The following FBXL16 variants were observed in gnomAD, a reference collection of about 807,000 sequenced individuals.
FBXL16 encodes the protein F-box and leucine rich repeat protein 16.
Under a neutral mutation model 36.7 loss-of-function variants are expected in FBXL16, and 7 were observed. That is an observed-to-expected ratio of 0.19 (90% confidence interval 0.11 to 0.36). The LOEUF is 0.36. Ranked by LOEUF, FBXL16 falls within the 10% of genes least tolerant of loss-of-function variation. FBXL16 has a pLI of 1.00. For synonymous variants in FBXL16, 355 were observed against 308.7 expected (o/e 1.15, Z -1.57); for missense variants, 463 against 659.4 (o/e 0.70, Z 3.26).
chr16:699,335 G>T (rs2040039360), intron 1 of FBXL16, among the ~76,000 whole-genome samples: 1 of 152,360 alleles, frequency 6.6e-6, no homozygotes, highest in African/African-American at 2.4e-5. Flanking sequence ...CACAGCCACG[G>T]AAAGAAGCAG....
chr16:701,457 C>A (rs1202417937), intron 1 of FBXL16, among the ~76,000 whole-genome samples: 1 of 152,238 alleles, frequency 6.6e-6, no homozygotes, highest in Non-Finnish European at 1.5e-5. Flanking sequence ...CCCCGTAGCT[C>A]AAAAATGCAA....
At chr16:701,765 G>A (rs2040059357) in intron 1 of FBXL16, among the ~76,000 whole-genome samples, 1 of 152,242 alleles carries the variant, frequency 6.6e-6, no homozygotes, top group South Asian at 2.1e-4. Flanking sequence ...GGGACAAGCA[G>A]CCCGGGTGCT....
rs2039980780 is a variant in FBXL16 at position 692,853 on chromosome 16, C to A, written c.*1422G>T. On this transcript the variant is annotated 3_prime_UTR_variant, in exon 6 of 6. Transcript: ENST00000397621. ...GCTGGCACTCCAGGGACAGGAAAAT[C>A]TTTGGGCTGTTGATCTGTTTCTGAT... is the stretch of plus-strand genomic sequence containing the variant. The A allele has an allele frequency of 6.6e-6, 1 of 152,392 alleles. No homozygotes were observed. Among genetic ancestry groups the A allele is most frequent in the Non-Finnish European group, 1.5e-5 (1 of 68,040 alleles). The allele number at this position is 152,392 out of a possible 1,614,324, so 9.4% of individuals were successfully genotyped here. A position where few individuals can be genotyped will look rare whatever the true frequency, so the allele number is the denominator to read the frequency against.
At position 697,163 on chromosome 16, in the gene FBXL16, G is replaced by A. The variant is rs1253450885; in HGVS notation, c.243C>T (p.Ala81=). The change falls in exon 2 of 6, where the codon GCC becomes GCT. Residue 81 remains alanine (A), a synonymous_variant. Transcript: ENST00000397621. This position sits in a 1 kb window ranked among gnomAD's most constrained non-coding sequence, Gnocchi z 4.6. The stretch of plus-strand genomic sequence containing the variant: ...CTGGGTGCCCAGGTGCCAAGGCTGA[G>A]GCTGGTCCACCTGCCGGGGTGCACG... ...GGPCTPAGGP[A]SALAPGHPAE... The A allele has an allele frequency of 3.2e-6, 5 of 1,583,554 alleles. No homozygotes were observed. In the Admixed American group the frequency reaches 8.7e-5, roughly 27 times the overall value.
At position 703,231 on chromosome 16, in the gene FBXL16, C is replaced by T. The variant is rs574251380; in HGVS notation, c.-15+2281G>A. Among the ~76,000 whole-genome samples, 9 of 152,326 alleles carry T rather than the reference C, an allele frequency of 5.9e-5. No homozygotes were observed. The East Asian group carries it at 1.3e-3, about 23-fold the overall frequency. On this transcript the variant is annotated intron_variant, in intron 1 of 5. Coordinates refer to ENST00000397621, the MANE Select transcript of FBXL16 (RefSeq NM_153350.4). ...CCCTCATCCTGCAGGGTCCCTGCCA[C>T]GGCGCTGCATTCCTTGCAGAGGCTG...
At chr16:696,344 CCCG>C (rs1389941294) in intron 2 of FBXL16, among the ~76,000 whole-genome samples, 1 of 152,110 alleles carries the variant, frequency 6.6e-6, no homozygotes, top group Non-Finnish European at 1.5e-5. Context: ...CACTGTACCC[CCCG>C]CCTCCCGGGT....
At position 705,560 on chromosome 16, in the gene FBXL16, C is replaced by T. The variant is rs891476050; in HGVS notation, c.-63G>A. Reference sequence around the variant, plus strand: ...GCCACGCTGTCCGCCGGGCGACCTCCCGTCATGGGGAGCCCGGCATGGGCG... The same window carrying T: ...GCCACGCTGTCCGCCGGGCGACCTCTCGTCATGGGGAGCCCGGCATGGGCG... On this transcript the variant is annotated 5_prime_UTR_variant, in exon 1 of 6. Transcript: ENST00000397621. 6.6e-5 allele frequency: 10 copies of T among 150,426 alleles called. No homozygotes were observed. Among genetic ancestry groups the T allele is most frequent in the African/African-American group, 2.2e-4 (9 of 41,120 alleles). The allele number at this position is 150,426 out of a possible 1,614,324, so 9.3% of individuals were successfully genotyped here. A position where few individuals can be genotyped will look rare whatever the true frequency, so the allele number is the denominator to read the frequency against.
chr16:703,598 C>T (rs978286542), intron 1 of FBXL16, among the ~76,000 whole-genome samples: 7 of 152,170 alleles, frequency 4.6e-5, no homozygotes, highest in African/African-American at 1.4e-4. Flanking sequence ...GTGGCAGCCC[C>T]GTGACGCAGG....
At chr16:698,046 G>A (rs1384653567) in intron 1 of FBXL16, among the ~76,000 whole-genome samples, 1 of 151,668 alleles carries the variant, frequency 6.6e-6, no homozygotes, top group Admixed American at 6.6e-5. Flanking sequence ...CTGGAGCGCA[G>A]ACTGGAGTGC....
chr16:700,859 T>G, intron 1 of FBXL16, among the ~76,000 whole-genome samples: 1 of 152,072 alleles, frequency 6.6e-6, no homozygotes. Context: ...CGCGGACGGC[T>G]GCGGGGTCGG....
At chr16:702,958 C>T (rs149197565) in intron 1 of FBXL16, among the ~76,000 whole-genome samples, 7 of 152,400 alleles carry the variant, frequency 4.6e-5, no homozygotes, top group Non-Finnish European at 7.3e-5. Flanking sequence ...ACGCACCCCT[C>T]CTCTGACCGG....
At chr16:702,476 C>G (rs556100973) in intron 1 of FBXL16, among the ~76,000 whole-genome samples, 1 of 152,324 alleles carries the variant, frequency 6.6e-6, no homozygotes, top group African/African-American at 2.4e-5. Flanking sequence ...TGAGGACAGA[C>G]AGCACCAACG....
intron 1 of FBXL16, among the ~76,000 whole-genome samples, chr16:701,627 G>C (rs769599133): frequency 6.6e-6 from 1 of 152,004 alleles, no homozygotes; most frequent in Non-Finnish European, 1.5e-5. Context: ...CAGCCAGACG[G>C]TCACCAAGGA....
At chr16:705,185 C>T (rs907869343) in intron 1 of FBXL16, among the ~76,000 whole-genome samples, 2 of 152,204 alleles carry the variant, frequency 1.3e-5, no homozygotes, top group East Asian at 1.9e-4. Context: ...CTGAGCCGAC[C>T]AGGCGCCCGG....
At chr16:696,085 CAGGTG>C in intron 2 of FBXL16, 162 bp from the exon 3 acceptor site, 2 of 1,114,044 alleles carry the variant, frequency 1.8e-6, no homozygotes, top group Non-Finnish European at 2.5e-6. Context: ...CTGGCCAGGG[CAGGTG>C]CTGGGGGCGT....
chr16:695,406 G>C lies in FBXL16; in HGVS notation c.1142+9C>G, dbSNP rs776366092. 54 of 1,524,024 alleles carry C rather than the reference G, an allele frequency of 3.5e-5. 1 individual carries two copies. The highest frequency in any genetic ancestry group is 4.6e-5 in the Non-Finnish European group (52 of 1,139,870). The allele number at this position is 1,524,024 out of a possible 1,614,324, so 94.4% of individuals were successfully genotyped here. A position where few individuals can be genotyped will look rare whatever the true frequency, so the allele number is the denominator to read the frequency against. On this transcript the variant is annotated intron_variant, in intron 3 of 5. Transcript: ENST00000397621. ...CCAGCCCCGCCCGGCGCGGCCCGGG[G>C]GCGCGCACCTGTCGAGCACGAGCTC... is the stretch of plus-strand genomic sequence containing the variant.
chr16:697,712 G>A lies in FBXL16; in HGVS notation c.-14-293C>T, dbSNP rs2151521049. On this transcript the variant is annotated intron_variant, in intron 1 of 5. Transcript: ENST00000397621. This position sits in a 1 kb window ranked among gnomAD's most constrained non-coding sequence, Gnocchi z 4.6. ...TTTTGTTTTTTTTCTTTTTGAAACA[G>A]AGTTCCGGCCGGGCGCGGTGGCTCA... is the stretch of plus-strand genomic sequence containing the variant. 6.6e-6 allele frequency among the ~76,000 whole-genome samples: 1 copy of A among 152,220 alleles called. No homozygotes were observed. Among genetic ancestry groups the A allele is most frequent in the Middle Eastern group, 3.4e-3 (1 of 294 alleles).
rs199605313 is a variant in FBXL16, at chr16:696,769, A to G, written c.633+4T>C. 1.5e-3 allele frequency: 442 copies of G among 298,458 alleles called. 2 individuals carry two copies. In the East Asian group the frequency reaches 0.041, roughly 28 times the overall value. 18.5% of individuals were successfully genotyped at this position (298,458 alleles called of 1,614,324 possible). ...GCCCTGTCCCCCCCGAGCCTGGTGC[A>G]CACCTCGAGGCCTGCGTCCGTGATG... On this transcript the variant is annotated splice_donor_region_variant and intron_variant, in intron 2 of 5. Transcript: ENST00000397621.
At chr16:694,444 G>A in intron 5 of FBXL16, 21 bp from the exon 6 acceptor site, 1 of 1,533,094 alleles carries the variant, frequency 6.5e-7, no homozygotes, top group South Asian at 1.2e-5. Flanking sequence ...GTCAGAGGGC[G>A]GCTCAGTGCG....
Sources: gnomAD v4.1 joint callset for allele counts (sites outside exome capture counted in the v4.1 genomes callset) on GRCh38, gnomAD v4.1.1 for gene constraint, Gnocchi (gnomAD v3.1) non-coding constraint, MANE v1.5 for transcripts, NCBI Gene and HGNC (gene_info 2026-07-23, HGNC 2026-07-21) for gene names.